GPCPD1: variants seen among roughly 807,000 people sequenced by gnomAD.
GPCPD1 encodes glycerophosphocholine phosphodiesterase GPCPD1.
Under a neutral mutation model 89.2 loss-of-function variants are expected in GPCPD1, and 29 were observed. That is an observed-to-expected ratio of 0.33 (90% CI 0.24 to 0.44). The LOEUF (loss-of-function observed/expected upper bound fraction) is 0.44. Ranked by LOEUF, GPCPD1 falls within the 20% of genes least tolerant of loss-of-function variation. The pLI is 1.00. For missense variants in GPCPD1, 594 were observed against 808.9 expected (o/e 0.73, Z 3.22); for synonymous variants, 258 against 266.3 (o/e 0.97, Z 0.30).
Position 5,547,405 on chromosome 20 carries a change from T to G in GPCPD1, c.*256A>C, listed in dbSNP as rs949027578. 4.8e-6 allele frequency: 1 copy of G among 208,732 alleles called. No individual in the cohort carries two copies. Among genetic ancestry groups the G allele is most frequent in the Non-Finnish European group, 9.4e-6 (1 of 106,416 alleles). 12.9% of individuals were successfully genotyped at this position (208,732 alleles called of 1,614,324 possible). On this transcript the variant is annotated 3_prime_UTR_variant, in exon 20 of 20. Coordinates refer to ENST00000379019, the MANE Select transcript of GPCPD1 (RefSeq NM_019593.5). ...TGAACATATGTTTAACATTATAGATTTATATATTTAGTTTAAAATATTTAT... is the reference window on the plus strand; with the variant it reads ...TGAACATATGTTTAACATTATAGATGTATATATTTAGTTTAAAATATTTAT...
At chr20:5,564,838 T>TCA (rs111846425) in intron 15 of GPCPD1, among the ~76,000 whole-genome samples, 179 bp downstream of exon 15, 4,132 of 150,448 alleles carry the variant, frequency 0.027, 151 homozygotes, top group East Asian at 0.16. Flanking sequence ...GGATTGTCAC[T>TCA]CACACACACA....
chr20:5,578,274 A>G lies in GPCPD1; in HGVS notation c.705+106T>C. 6.9e-6 allele frequency: 5 copies of G among 724,890 alleles called. 1 individual carries two copies. The South Asian group carries it at 8.5e-5, about 12-fold the overall frequency. 44.9% of individuals were successfully genotyped at this position (724,890 alleles called of 1,614,324 possible). A position where few individuals can be genotyped will look rare whatever the true frequency, so the allele number is the denominator to read the frequency against. On this transcript the variant is annotated intron_variant, in intron 8 of 19. Coordinates refer to ENST00000379019, the MANE Select transcript of GPCPD1 (RefSeq NM_019593.5). ...ACTGTACAGAAGAGCATACCTCTAA[A>G]AAGTTAGCTTTACACAAATTAGATT...
chr20:5,578,325 A>T, intron 8 of GPCPD1, 55 bp downstream of exon 8: 2 of 1,083,392 alleles, frequency 1.8e-6, no homozygotes, highest in Non-Finnish European at 2.9e-6. Context: ...ACCAACGTTA[A>T]AATAAGCTTG....
At chr20:5,569,765 T>C (rs971315722) in intron 12 of GPCPD1, among the ~76,000 whole-genome samples, 1 of 152,218 alleles carries the variant, frequency 6.6e-6, no homozygotes, top group African/African-American at 2.4e-5. Context: ...AATTTTTCAC[T>C]GTGGCTCACT....
chr20:5,578,502 C>T lies in GPCPD1; in HGVS notation c.583G>A (p.Glu195Lys). ...SLEISLISDN[E>K]FKCRHSQPEC... Reference sequence around the variant, plus strand: ...GGCTGTGAATGCCTGCACTTGAACTCATTGTCGCTTATTAAGGATATCTCC... The same window carrying T: ...GGCTGTGAATGCCTGCACTTGAACTTATTGTCGCTTATTAAGGATATCTCC... The change falls in exon 8 of 20, where the codon GAG (glutamate) becomes AAG (lysine). Residue 195 changes from glutamate to lysine, a missense_variant. Physicochemically the swap from Glu to Lys is moderately conservative, Grantham distance 56. Transcript: ENST00000379019. The T allele has an allele frequency of 6.2e-7, 1 of 1,613,754 alleles. No homozygotes were observed. The highest frequency in any genetic ancestry group is 8.5e-7 in the Non-Finnish European group (1 of 1,179,600).
At chr20:5,593,255 G>A (rs1254905667) in intron 4 of GPCPD1, 72 bp downstream of exon 4, 16 of 760,200 alleles carry the variant, frequency 2.1e-5, no homozygotes, top group South Asian at 1.5e-5. Flanking sequence ...TACTTTGAAC[G>A]TGTTCAAACT....
In GPCPD1 at chr20:5,547,662, TA is replaced by T; in HGVS notation, c.2017del (p.Ter673SerfsTer37). 1 of 1,573,082 alleles carries T rather than the reference TA, an allele frequency of 6.4e-7. No individual in the cohort carries two copies. Among genetic ancestry groups the T allele is most frequent in the Non-Finnish European group, 8.7e-7 (1 of 1,146,014 alleles). On this transcript the variant is annotated frameshift_variant and stop_lost, in exon 20 of 20. Coordinates refer to ENST00000379019, the MANE Select transcript of GPCPD1 (RefSeq NM_019593.5). LOFTEE classifies it high-confidence loss of function. ...AAAATGACCTCTGTGCAATAAAAAC[TA>T]AGCATTCTCCACGTTATCAATGCCG... ...ANGIDNVENA[*>X]
intron 19 of GPCPD1, 55 bp downstream of exon 19, chr20:5,557,890 A>G (rs1313806040): frequency 1.1e-6 from 1 of 938,786 alleles, no homozygotes; most frequent in Non-Finnish European, 1.6e-6. Context: ...ATAATTTCGT[A>G]AGATGAAATC....
At chr20:5,593,578 G>A (rs1233138684) in intron 3 of GPCPD1, among the ~76,000 whole-genome samples, 167 bp from the exon 4 acceptor site, 2 of 152,142 alleles carry the variant, frequency 1.3e-5, no homozygotes, top group African/African-American at 2.4e-5. Flanking sequence ...GGAACACAGG[G>A]GTATATACTG....
At chr20:5,571,774 T>G (rs1986734666) in intron 11 of GPCPD1, among the ~76,000 whole-genome samples, 1 of 152,044 alleles carries the variant, frequency 6.6e-6, no homozygotes, top group Admixed American at 6.6e-5. Flanking sequence ...CTGGGCATGG[T>G]GGCAAACGCC....
chr20:5,548,813 C>T (rs1326764912), intron 19 of GPCPD1: 2 of 529,010 alleles, frequency 3.8e-6, no homozygotes, highest in African/African-American at 4.0e-5. Context: ...GAGTTAAAAG[C>T]AGGAGCAGAT....
intron 3 of GPCPD1, among the ~76,000 whole-genome samples, chr20:5,593,851 G>A (rs530841210): frequency 2.6e-5 from 4 of 152,186 alleles, no homozygotes; most frequent in Non-Finnish European, 4.4e-5. Flanking sequence ...CCCACTTAGC[G>A]AGGGATGTTA....
At chr20:5,593,021 C>A (rs1377724457) in intron 4 of GPCPD1, among the ~76,000 whole-genome samples, 1 of 152,148 alleles carries the variant, frequency 6.6e-6, no homozygotes, top group African/African-American at 2.4e-5. Flanking sequence ...AAAGTAAAAG[C>A]TCTGCAAGTG....
intron 3 of GPCPD1, among the ~76,000 whole-genome samples, chr20:5,596,715 C>T (rs1009003296): frequency 3.9e-5 from 6 of 152,134 alleles, no homozygotes; most frequent in South Asian, 2.1e-4. Context: ...AAGCTTAAGA[C>T]GCTCCCTGAA....
At chr20:5,572,714 TA>T (rs2122645395) in intron 11 of GPCPD1, among the ~76,000 whole-genome samples, 1 of 151,542 alleles carries the variant, frequency 6.6e-6, no homozygotes, top group African/African-American at 2.4e-5. Flanking sequence ...TACAGAGGAA[TA>T]GGGGAGAAAA....
At position 5,546,130 on chromosome 20, in the gene GPCPD1, T is replaced by TG. The variant is rs1247082203; in HGVS notation, c.*1530dup. 1 of 152,236 alleles carries TG rather than the reference T, an allele frequency of 6.6e-6. No homozygotes were observed. The highest frequency in any genetic ancestry group is 2.4e-5 in the African/African-American group (1 of 41,460). 9.4% of individuals were successfully genotyped at this position (152,236 alleles called of 1,614,324 possible). On this transcript the variant is annotated 3_prime_UTR_variant, in exon 20 of 20. Coordinates refer to ENST00000379019, the MANE Select transcript of GPCPD1 (RefSeq NM_019593.5). Reference sequence around the variant, plus strand: ...ATGTGGGAAAAGTATACAGAACCCTTGCAGAAGACTCCATTTCCTAAACTA... The same window carrying TG: ...ATGTGGGAAAAGTATACAGAACCCTTGGCAGAAGACTCCATTTCCTAAACTA...
chr20:5,600,486 C>T (rs549189598), intron 2 of GPCPD1, among the ~76,000 whole-genome samples: 11 of 151,910 alleles, frequency 7.2e-5, no homozygotes, highest in African/African-American at 2.7e-4. Context: ...GTCAGGAGTT[C>T]AAGACCAGCC....
intron 1 of GPCPD1, among the ~76,000 whole-genome samples, chr20:5,609,669 A>T (rs1040664493): frequency 6.6e-6 from 1 of 152,152 alleles, no homozygotes; most frequent in African/African-American, 2.4e-5. Context: ...TTTTGTGGTC[A>T]TTATTTCTCA....
At chr20:5,587,069 A>C (rs960410042) in intron 4 of GPCPD1, among the ~76,000 whole-genome samples, 4 of 152,224 alleles carry the variant, frequency 2.6e-5, no homozygotes, top group Non-Finnish European at 4.4e-5. Flanking sequence ...GTAGTGAGTA[A>C]CCATGAAAGA....
Sources: allele counts gnomAD v4.1 joint callset (sites outside exome capture counted in the v4.1 genomes callset), GRCh38; gene constraint gnomAD v4.1.1; transcripts MANE v1.5; gene names NCBI Gene and HGNC (gene_info 2026-07-23, HGNC 2026-07-21).